Variants in PPP2R5E observed in about 807,000 individuals in gnomAD.
PPP2R5E encodes the protein serine/threonine-protein phosphatase 2A 56 kDa regulatory subunit epsilon isoform.
PPP2R5E carries 4 observed loss-of-function variants against 65.3 expected under a neutral mutation model. The ratio of observed to expected loss-of-function variants is 0.06; its 90% confidence interval spans 0.03 to 0.14. The LOEUF (loss-of-function observed/expected upper bound fraction) is 0.14, where lower values mean the gene tolerates loss of function less well. Among genes scored for constraint, PPP2R5E ranks in the 10% least tolerant of loss-of-function variants. The pLI is 1.00. For synonymous variants in PPP2R5E, 183 were observed against 187.4 expected (o/e 0.98, Z 0.19); for missense variants, 274 against 556.1 (o/e 0.49, Z 5.10).
chr14:63,450,244 T>G (rs967207630), intron 3 of PPP2R5E, among the ~76,000 whole-genome samples: 1 of 152,204 alleles, frequency 6.6e-6, no homozygotes, highest in South Asian at 2.1e-4. Context: ...AAGTACCGTA[T>G]ATAATTAGTA....
chr14:63,376,486 G>A (rs1381890631), intron 13 of PPP2R5E, among the ~76,000 whole-genome samples: 3 of 152,148 alleles, frequency 2.0e-5, no homozygotes, highest in African/African-American at 7.2e-5. Flanking sequence ...AGAAGAAACT[G>A]AAAACTTGTG....
rs572354249 is a variant in PPP2R5E at position 63,420,910 on chromosome 14, G to A, written c.456+1083C>T. ...TACTAAAAATACAAAAAAATTAGCC[G>A]GGCGTAGTGGCGGGCGCCTGTAGTC... On this transcript the variant is annotated intron_variant, in intron 4 of 13. Coordinates refer to ENST00000337537, the MANE Select transcript of PPP2R5E (RefSeq NM_006246.5). 6.1e-5 allele frequency among the ~76,000 whole-genome samples: 8 copies of A among 130,188 alleles called. 1 individual carries two copies. In the East Asian group the frequency reaches 1.4e-3, roughly 22 times the overall value. 85.4% of individuals were successfully genotyped at this position (130,188 alleles called of 152,430 possible). A position where few individuals can be genotyped will look rare whatever the true frequency, so the allele number is the denominator to read the frequency against.
At chr14:63,428,414 G>A (rs1887454174) in intron 3 of PPP2R5E, among the ~76,000 whole-genome samples, 1 of 152,104 alleles carries the variant, frequency 6.6e-6, no homozygotes, top group Non-Finnish European at 1.5e-5. Flanking sequence ...CAATATTTGG[G>A]ACTGTCTTAT....
chr14:63,507,941 C>T (rs546633639), intron 2 of PPP2R5E, among the ~76,000 whole-genome samples: 1 of 152,304 alleles, frequency 6.6e-6, no homozygotes, highest in East Asian at 1.9e-4. Flanking sequence ...AAGCCTGACC[C>T]TAGGGATTTA....
At chr14:63,508,017 C>T in intron 2 of PPP2R5E, 1 of 381,030 alleles carries the variant, frequency 2.6e-6, no homozygotes, top group Non-Finnish European at 3.6e-6. Context: ...TGTAGAGATC[C>T]AGCTTGAGTG....
At chr14:63,539,808 A>C (rs1893815484) in intron 1 of PPP2R5E, 116 bp from the exon 2 acceptor site, 1 of 1,090,884 alleles carries the variant, frequency 9.2e-7, no homozygotes. Flanking sequence ...AATATGTGCT[A>C]AAGAAAATAA....
At chr14:63,424,746 A>T (rs1887238412) in intron 3 of PPP2R5E, among the ~76,000 whole-genome samples, 2 of 149,314 alleles carry the variant, frequency 1.3e-5, no homozygotes, top group Admixed American at 6.7e-5. Flanking sequence ...GCCAGGCTCC[A>T]TCTCAAAAAA....
intron 5 of PPP2R5E, among the ~76,000 whole-genome samples, chr14:63,412,245 T>C (rs1320638255): frequency 6.6e-6 from 1 of 152,138 alleles, no homozygotes; most frequent in Non-Finnish European, 1.5e-5. Flanking sequence ...TTGAGCCCAA[T>C]CTGGGCAACA....
At chr14:63,411,511 T>C (rs1270134233) in intron 5 of PPP2R5E, among the ~76,000 whole-genome samples, 1 of 151,654 alleles carries the variant, frequency 6.6e-6, no homozygotes, top group Non-Finnish European at 1.5e-5. Context: ...CGTGTTGAAA[T>C]GTGATCCCCA....
chr14:63,414,404 A>G (rs61513111), intron 5 of PPP2R5E, among the ~76,000 whole-genome samples: 5,404 of 152,262 alleles, frequency 0.035, 323 homozygotes, highest in African/African-American at 0.12. Flanking sequence ...ATTCTTTCCT[A>G]CATTAGATGC....
intron 5 of PPP2R5E, among the ~76,000 whole-genome samples, chr14:63,414,779 C>T (rs911631401): frequency 2.0e-5 from 3 of 152,184 alleles, no homozygotes; most frequent in Admixed American, 1.3e-4. Flanking sequence ...AACAGATCTA[C>T]ACCACACTTC....
intron 13 of PPP2R5E, among the ~76,000 whole-genome samples, chr14:63,379,749 T>TA (rs1356250385): frequency 1.3e-5 from 2 of 151,804 alleles, no homozygotes; most frequent in African/African-American, 4.8e-5. Context: ...AACCAGAAAA[T>TA]AGTTTTATTA....
At chr14:63,501,404 C>CAAAA (rs140023470) in intron 2 of PPP2R5E, among the ~76,000 whole-genome samples, 1 of 87,114 alleles carries the variant, frequency 1.1e-5, no homozygotes, top group African/African-American at 3.6e-5. Flanking sequence ...GACTCCGTCT[C>CAAAA]AAAAAAAAAA....
Position 63,464,320 on chromosome 14 carries a change from C to T in PPP2R5E, c.158-10435G>A, listed in dbSNP as rs1317548877. Reference sequence around the variant, plus strand: ...TGTGCAGGGCAAGGGGGACTAGGCACGCTGGGGTTGAAGGGTACAATGTTA... The same window carrying T: ...TGTGCAGGGCAAGGGGGACTAGGCATGCTGGGGTTGAAGGGTACAATGTTA... On this transcript the variant is annotated intron_variant, in intron 2 of 13. Coordinates refer to ENST00000337537, the MANE Select transcript of PPP2R5E (RefSeq NM_006246.5). Among the ~76,000 whole-genome samples, 4 of 152,140 alleles carry T rather than the reference C, an allele frequency of 2.6e-5. No individual in the cohort carries two copies. The East Asian group carries it at 5.8e-4, about 22-fold the overall frequency.
At chr14:63,522,839 G>T (rs1185638555) in intron 2 of PPP2R5E, among the ~76,000 whole-genome samples, 1 of 150,998 alleles carries the variant, frequency 6.6e-6, no homozygotes, top group Admixed American at 6.6e-5. Context: ...CAGGCCAGCC[G>T]CCCCGTCCAG....
intron 10 of PPP2R5E, among the ~76,000 whole-genome samples, chr14:63,391,089 C>T (rs954067633): frequency 6.6e-6 from 1 of 152,160 alleles, no homozygotes; most frequent in Admixed American, 6.5e-5. Flanking sequence ...GCTGCTCTAG[C>T]GTCTATGTAC....
At chr14:63,502,017 C>A (rs1447437944) in intron 2 of PPP2R5E, among the ~76,000 whole-genome samples, 1 of 152,154 alleles carries the variant, frequency 6.6e-6, no homozygotes, top group Non-Finnish European at 1.5e-5. Context: ...GTCTCGGCCT[C>A]CCGAGTAGCT....
chr14:63,522,033 C>G (rs1297302047), intron 2 of PPP2R5E, among the ~76,000 whole-genome samples: 4 of 148,172 alleles, frequency 2.7e-5, no homozygotes, highest in Non-Finnish European at 6.0e-5. Context: ...CGGCTCACTG[C>G]AACCTCCCTG....
At chr14:63,411,637 C>T (rs1886392595) in intron 5 of PPP2R5E, among the ~76,000 whole-genome samples, 1 of 131,084 alleles carries the variant, frequency 7.6e-6, no homozygotes, top group Non-Finnish European at 1.5e-5. Flanking sequence ...ACTCTATTAG[C>T]TACCGTGAGA....
Sources: gnomAD v4.1 joint callset for allele counts (sites outside exome capture counted in the v4.1 genomes callset) on GRCh38, gnomAD v4.1.1 for gene constraint, MANE v1.5 for transcripts, NCBI Gene and HGNC (gene_info 2026-07-23, HGNC 2026-07-21) for gene names.